Variants in CMC1 observed in about 807,000 individuals in gnomAD.
CMC1 encodes C-X9-C motif containing 1, also known as COX assembly mitochondrial protein homolog.
In CMC1, 14 loss-of-function variants were observed where a neutral mutation model predicts 14.1. The observed-to-expected ratio is 0.99, with a 90% CI of 0.66 to 1.55. The LOEUF is 1.55. Among genes scored for constraint, CMC1 ranks in the 40% most tolerant of loss-of-function variants. The pLI, the probability that CMC1 is intolerant of heterozygous loss-of-function variation, is 0.00. For synonymous variants in CMC1, 50 were observed against 38.4 expected (o/e 1.30, Z -1.12); for missense variants, 127 against 123.8 (o/e 1.03, Z -0.12).
intron 2 of CMC1, 26 bp from the exon 3 acceptor site, chr3:28,316,307 A>G (rs1448898500): frequency 7.8e-7 from 1 of 1,287,630 alleles, no homozygotes; most frequent in East Asian, 2.4e-5. Context: ...ATTACAAGTA[A>G]TTTTTTCCTT....
At chr3:28,256,555 C>T (rs1019332391) in intron 1 of CMC1, among the ~76,000 whole-genome samples, 2 of 152,168 alleles carry the variant, frequency 1.3e-5, no homozygotes, top group African/African-American at 4.8e-5. Context: ...CTGACCATCA[C>T]AGGTGGTTTT....
At chr3:28,265,897 G>A (rs867232766) in intron 2 of CMC1, among the ~76,000 whole-genome samples, 2 of 152,060 alleles carry the variant, frequency 1.3e-5, no homozygotes, top group Admixed American at 6.6e-5. Context: ...ACAGACACTT[G>A]GTGCTCACAG....
At chr3:28,318,711 T>C (rs1265207554) in intron 3 of CMC1, 1 of 152,854 alleles carries the variant, frequency 6.5e-6, no homozygotes, top group Non-Finnish European at 1.5e-5. Context: ...GCACATCATC[T>C]CTTCCTTTTC....
intron 2 of CMC1, among the ~76,000 whole-genome samples, chr3:28,306,342 T>C (rs1418586938): frequency 6.6e-6 from 1 of 152,142 alleles, no homozygotes; most frequent in Non-Finnish European, 1.5e-5. Context: ...TTCATTTGTT[T>C]CATCTGTGAT....
chr3:28,319,912 CTTATA>C lies in CMC1; in HGVS notation c.*288_*292del. 4.9e-6 allele frequency: 1 copy of C among 202,652 alleles called. No homozygotes were observed. Among genetic ancestry groups the C allele is most frequent in the South Asian group, 1.3e-4 (1 of 7,580 alleles). The allele number at this position is 202,652 out of a possible 1,614,324, so 12.6% of individuals were successfully genotyped here. ...TGATTTTTTAGAGTTCAATATGGTC[CTTATA>C]TTATTTTTTTCCAGTGTATATGCTA... On this transcript the variant is annotated 3_prime_UTR_variant, in exon 4 of 4. Transcript: ENST00000466830.
At chr3:28,270,366 A>G (rs937015017) in intron 2 of CMC1, among the ~76,000 whole-genome samples, 2 of 152,208 alleles carry the variant, frequency 1.3e-5, no homozygotes, top group East Asian at 1.9e-4. Flanking sequence ...ACTAATTTAC[A>G]TTCCCACCAA....
intron 2 of CMC1, among the ~76,000 whole-genome samples, chr3:28,276,291 G>T (rs1700587495): frequency 6.6e-6 from 1 of 152,048 alleles, no homozygotes; most frequent in Admixed American, 6.6e-5. Context: ...AAATTAGTGA[G>T]AATTTTGTCA....
rs143418508 is a variant in CMC1 at position 28,323,615 on chromosome 3, C to T, written c.*3986C>T. 2,222 of 153,876 alleles carry T rather than the reference C, an allele frequency of 0.014. 54 individuals are homozygous for T. Among genetic ancestry groups the T allele is most frequent in the African/African-American group, 0.05 (2,056 of 41,454 alleles). 9.5% of individuals were successfully genotyped at this position (153,876 alleles called of 1,614,324 possible). ...ATTATAACAACAGAAATGTAACCTA[C>T]TCACATTGCCATTTGTTCCATTATG... On this transcript the variant is annotated 3_prime_UTR_variant, in exon 4 of 4. Transcript: ENST00000466830.
At chr3:28,262,383 T>G (rs764719970) in intron 1 of CMC1, among the ~76,000 whole-genome samples, 2 of 151,992 alleles carry the variant, frequency 1.3e-5, no homozygotes, top group Non-Finnish European at 2.9e-5. Context: ...TGGGAAACTT[T>G]CTGGTCTTTT....
Position 28,301,222 on chromosome 3 carries a change from T to C in CMC1, c.110-15111T>C, listed in dbSNP as rs540813320. Among the ~76,000 whole-genome samples, 7 of 152,188 alleles carry C rather than the reference T, an allele frequency of 4.6e-5. No homozygotes were observed. In the East Asian group the frequency reaches 1.4e-3, roughly 29 times the overall value. ...ATGATTCCTTACAGATGGGAACCTA[T>C]TTATTTACTATTTTGGAGACAAGGC... On this transcript the variant is annotated intron_variant, in intron 2 of 3. Coordinates refer to ENST00000466830, the MANE Select transcript of CMC1 (RefSeq NM_182523.2).
chr3:28,283,248 T>C (rs1700987117), intron 2 of CMC1, among the ~76,000 whole-genome samples: 1 of 152,078 alleles, frequency 6.6e-6, no homozygotes, highest in African/African-American at 2.4e-5. Context: ...GTGTGGTGGC[T>C]CACGCCTGTA....
At chr3:28,274,341 A>C (rs1220341006) in intron 2 of CMC1, among the ~76,000 whole-genome samples, 2 of 148,536 alleles carry the variant, frequency 1.3e-5, no homozygotes, top group African/African-American at 5.0e-5. Flanking sequence ...TGCTTGTCTG[A>C]AAAGAATCTT....
chr3:28,258,072 A>G (rs945062657), intron 1 of CMC1, among the ~76,000 whole-genome samples: 4 of 147,600 alleles, frequency 2.7e-5, no homozygotes, highest in African/African-American at 9.9e-5. Context: ...ATATATATAT[A>G]TATATATATA....
chr3:28,246,997 T>C (rs1284706381), intron 1 of CMC1, among the ~76,000 whole-genome samples: 1 of 152,192 alleles, frequency 6.6e-6, no homozygotes, highest in East Asian at 1.9e-4. Flanking sequence ...CATGAACTGC[T>C]GTATTTTCAA....
rs769791063 is a variant in CMC1, at chr3:28,319,661, A to ATAT, written c.*34_*36dup. 10 of 1,563,374 alleles carry ATAT rather than the reference A, an allele frequency of 6.4e-6. No individual in the cohort carries two copies. Among genetic ancestry groups the ATAT allele is most frequent in the Non-Finnish European group, 6.9e-6 (8 of 1,156,608 alleles). ...ACTCAAATGACATTCAGGAACTCTA[A>ATAT]TATTCATGGAAGTCATTTTATAGTC... On this transcript the variant is annotated 3_prime_UTR_variant, in exon 4 of 4. Coordinates refer to ENST00000466830, the MANE Select transcript of CMC1 (RefSeq NM_182523.2).
chr3:28,272,988 T>C (rs911774008), intron 2 of CMC1, among the ~76,000 whole-genome samples: 5 of 152,174 alleles, frequency 3.3e-5, no homozygotes, highest in African/African-American at 4.8e-5. Context: ...CCCAGCCTTC[T>C]TTTTTTGTTG....
chr3:28,307,703 G>A (rs904558550), intron 2 of CMC1, among the ~76,000 whole-genome samples: 2 of 152,052 alleles, frequency 1.3e-5, no homozygotes, highest in Non-Finnish European at 2.9e-5. Context: ...ACATCTTTTA[G>A]CCAGTTTTTC....
chr3:28,265,082 A>T (rs1474462491), intron 2 of CMC1, among the ~76,000 whole-genome samples: 1 of 152,152 alleles, frequency 6.6e-6, no homozygotes, highest in Non-Finnish European at 1.5e-5. Context: ...TCAAAAGTTA[A>T]GTTGTTTAGG....
intron 2 of CMC1, among the ~76,000 whole-genome samples, chr3:28,288,433 T>A (rs1039214784): frequency 6.6e-6 from 1 of 152,068 alleles, no homozygotes; most frequent in Non-Finnish European, 1.5e-5. Context: ...CATTAAAGCT[T>A]ATTCATTTTT....
Sources: gnomAD v4.1 joint callset for allele counts (sites outside exome capture counted in the v4.1 genomes callset) on GRCh38, gnomAD v4.1.1 for gene constraint, MANE v1.5 for transcripts, NCBI Gene and HGNC (gene_info 2026-07-23, HGNC 2026-07-21) for gene names.